ARB2A: variants seen among roughly 807,000 people sequenced by gnomAD.
ARB2A encodes ARB2 cotranscriptional regulator A, also known as cotranscriptional regulator ARB2A.
At chr5:93,806,034 CA>C in the ARB2A span, 40 of 729,954 alleles carry the variant, frequency 5.5e-5, no homozygotes, top group East Asian at 4.6e-3. Context: ...TTCAGATACG[CA>C]AATTTAACCA....
At chr5:93,713,935 G>T in the ARB2A span, among the ~76,000 whole-genome samples, 22 of 152,198 alleles carry the variant, frequency 1.4e-4, no homozygotes, top group African/African-American at 5.1e-4. Flanking sequence ...ATGGTTTACA[G>T]GGGTGAGGAG....
At chr5:93,670,927 T>A in the ARB2A span, among the ~76,000 whole-genome samples, 4 of 152,306 alleles carry the variant, frequency 2.6e-5, no homozygotes, top group East Asian at 7.7e-4. Context: ...CTGCTAGAAT[T>A]TTTATAAAGT....
chr5:93,732,985 T>C, the ARB2A span, among the ~76,000 whole-genome samples: 2 of 152,168 alleles, frequency 1.3e-5, no homozygotes, highest in Non-Finnish European at 2.9e-5. Context: ...ATAAGTTGTT[T>C]TGCTTCATTC....
the ARB2A span, among the ~76,000 whole-genome samples, chr5:94,017,875 G>C: frequency 6.6e-6 from 1 of 152,146 alleles, no homozygotes; most frequent in East Asian, 1.9e-4. Flanking sequence ...CCCACATGCT[G>C]TGGGAGGGAC....
At chr5:94,066,100 T>C in the ARB2A span, among the ~76,000 whole-genome samples, 2 of 152,076 alleles carry the variant, frequency 1.3e-5, no homozygotes, top group Admixed American at 1.3e-4. Context: ...GAATGAGCAC[T>C]GAGTCAAGGA....
the ARB2A span, among the ~76,000 whole-genome samples, chr5:94,027,898 C>T: frequency 6.6e-6 from 1 of 151,986 alleles, no homozygotes; most frequent in Non-Finnish European, 1.5e-5. Flanking sequence ...AGCCCTCAAT[C>T]TGTGGTTTCA....
At chr5:94,103,650 A>G in the ARB2A span, among the ~76,000 whole-genome samples, 2 of 152,038 alleles carry the variant, frequency 1.3e-5, no homozygotes, top group South Asian at 4.1e-4. Context: ...CAGGACCTAA[A>G]CTTGACATTT....
the ARB2A span, among the ~76,000 whole-genome samples, chr5:93,676,764 TTTCC>T: frequency 6.6e-6 from 1 of 152,210 alleles, no homozygotes; most frequent in African/African-American, 2.4e-5. Context: ...AGAAATCTTG[TTTCC>T]AAGAACAAAC....
the ARB2A span, among the ~76,000 whole-genome samples, chr5:94,045,633 T>C: frequency 5.3e-5 from 8 of 152,174 alleles, no homozygotes; most frequent in African/African-American, 1.9e-4. Context: ...CTAAAATGCA[T>C]AGGTCCAGAA....
At chr5:93,939,642 ATCATT>A in the ARB2A span, among the ~76,000 whole-genome samples, 1 of 152,110 alleles carries the variant, frequency 6.6e-6, no homozygotes, top group South Asian at 2.1e-4. Context: ...AAATATTCAT[ATCATT>A]TATCATTACC....
the ARB2A span, among the ~76,000 whole-genome samples, chr5:93,938,896 T>C: frequency 6.6e-6 from 1 of 152,228 alleles, no homozygotes; most frequent in Non-Finnish European, 1.5e-5. Context: ...CAATACTTTT[T>C]AAGCCATTAC....
chr5:94,016,241 C>T, the ARB2A span, among the ~76,000 whole-genome samples: 3 of 152,178 alleles, frequency 2.0e-5, no homozygotes, highest in Non-Finnish European at 4.4e-5. Flanking sequence ...GAGATACACA[C>T]ACATACACAC....
the ARB2A span, among the ~76,000 whole-genome samples, chr5:94,051,070 C>A: frequency 2.0e-5 from 3 of 152,098 alleles, no homozygotes; most frequent in South Asian, 2.1e-4. Context: ...TAATCTAAAG[C>A]AAACTAACAA....
the ARB2A span, among the ~76,000 whole-genome samples, chr5:94,095,937 TC>T: frequency 6.6e-6 from 1 of 152,156 alleles, no homozygotes; most frequent in Non-Finnish European, 1.5e-5. Flanking sequence ...CAGAGTCTTA[TC>T]CCCGTTCAGC....
the ARB2A span, among the ~76,000 whole-genome samples, chr5:94,062,775 C>T: frequency 6.6e-6 from 1 of 152,208 alleles, no homozygotes; most frequent in Non-Finnish European, 1.5e-5. Flanking sequence ...CCCCACATCT[C>T]CACATCACTG....
At chr5:93,793,239 ATT>A in the ARB2A span, among the ~76,000 whole-genome samples, 3,806 of 64,756 alleles carry the variant, frequency 0.059, 238 homozygotes, top group African/African-American at 0.18. Context: ...CTTCTGGCTA[ATT>A]TTTTTTTTTT....
At chr5:93,672,334 A>G in the ARB2A span, among the ~76,000 whole-genome samples, 1 of 149,926 alleles carries the variant, frequency 6.7e-6, no homozygotes, top group Non-Finnish European at 1.5e-5. Flanking sequence ...TTTTTTTTAG[A>G]TGGAGTCTCG....
the ARB2A span, among the ~76,000 whole-genome samples, chr5:93,641,710 G>A: frequency 6.6e-6 from 1 of 151,896 alleles, no homozygotes; most frequent in African/African-American, 2.4e-5. Flanking sequence ...TAACAATGGG[G>A]GCTAACAAAT....
the ARB2A span, among the ~76,000 whole-genome samples, chr5:93,779,124 T>TGTGTGTGTGTGTGC: frequency 2.8e-3 from 412 of 146,356 alleles, 1 homozygote; most frequent in African/African-American, 9.9e-3. Flanking sequence ...TGTGTGTGTG[T>TGTGTGTGTGTGTGC]GCGCGCGCGC....
Sources: allele counts gnomAD v4.1 joint callset (sites outside exome capture counted in the v4.1 genomes callset), GRCh38; gene constraint gnomAD v4.1.1; transcripts MANE v1.5; gene names NCBI Gene and HGNC (gene_info 2026-07-23, HGNC 2026-07-21).